PHF3: variants seen among roughly 807,000 people sequenced by gnomAD.
The protein encoded by PHF3 is PHD finger protein 3.
Under a neutral mutation model 178.4 loss-of-function variants are expected in PHF3, and 41 were observed. That is an observed-to-expected ratio of 0.23 (90% CI 0.18 to 0.30). The LOEUF (loss-of-function observed/expected upper bound fraction) is 0.30, where lower values mean the gene tolerates loss of function less well. Ranked by LOEUF, PHF3 falls within the 10% of genes least tolerant of loss-of-function variation. The pLI is 1.00. For missense variants in PHF3, 2,346 were observed against 2,398.1 expected (o/e 0.98, Z 0.45); for synonymous variants, 842 against 800.5 (o/e 1.05, Z -0.88).
rs1768288076 is a variant in PHF3, at chr6:63,719,405, A to C, written c.*5697A>C. ...TGAACATTACATGCTGCTTATTACT[A>C]AGATTTTTTTCTCCAGATGACCTAT... On this transcript the variant is annotated 3_prime_UTR_variant, in exon 16 of 16. Transcript: ENST00000262043. Among the ~76,000 whole-genome samples, 1 of 151,250 alleles carries C rather than the reference A, an allele frequency of 6.6e-6. No individual in the cohort carries two copies. The highest frequency in any genetic ancestry group is 1.9e-4 in the East Asian group (1 of 5,202).
intron 2 of PHF3, among the ~76,000 whole-genome samples, chr6:63,653,605 C>T (rs1213548406): frequency 6.6e-6 from 1 of 152,058 alleles, no homozygotes; most frequent in Non-Finnish European, 1.5e-5. Flanking sequence ...TGACTTCTTC[C>T]TTTCCAATTT....
intron 1 of PHF3, among the ~76,000 whole-genome samples, chr6:63,641,824 C>G (rs1324586892): frequency 6.6e-6 from 1 of 151,864 alleles, no homozygotes; most frequent in East Asian, 1.9e-4. Context: ...GACGGGGTTT[C>G]GTCATATTGG....
intron 4 of PHF3, among the ~76,000 whole-genome samples, chr6:63,686,832 A>G (rs1766728605): frequency 6.6e-6 from 1 of 152,222 alleles, no homozygotes; most frequent in Non-Finnish European, 1.5e-5. Context: ...ATCTTAGTAC[A>G]TAAAAATGAA....
chr6:63,724,050 G>T lies in PHF3; in HGVS notation c.*10342G>T, dbSNP rs1199288047. 2.0e-5 allele frequency among the ~76,000 whole-genome samples: 3 copies of T among 151,982 alleles called. No individual in the cohort carries two copies. The highest frequency in any genetic ancestry group is 2.1e-4 in the South Asian group (1 of 4,820). ...TTGACCTCCTGACTTCAGGTGATCC[G>T]CCCACCTCGGCCTCCCAAAGTGGTG... On this transcript the variant is annotated 3_prime_UTR_variant, in exon 16 of 16. Coordinates refer to ENST00000262043, the MANE Select transcript of PHF3 (RefSeq NM_001370348.2).
chr6:63,674,087 C>T (rs538372411), intron 2 of PHF3, among the ~76,000 whole-genome samples: 6 of 152,022 alleles, frequency 3.9e-5, no homozygotes, highest in African/African-American at 1.4e-4. Flanking sequence ...GACTTAATAA[C>T]TGACAAACTT....
At chr6:63,682,336 TG>T in intron 3 of PHF3, among the ~76,000 whole-genome samples, 1 of 152,138 alleles carries the variant, frequency 6.6e-6, no homozygotes, top group East Asian at 1.9e-4. Context: ...GAGGTGTTAA[TG>T]GTGTTAGTTT....
chr6:63,679,930 C>T (rs2149577678), intron 2 of PHF3, 70 bp from the exon 3 acceptor site: 3 of 1,241,162 alleles, frequency 2.4e-6, no homozygotes, highest in Non-Finnish European at 3.5e-6. Context: ...ACAGTATTTT[C>T]TGTACTGCCT....
chr6:63,703,412 A>G (rs1767560499), intron 10 of PHF3, 124 bp from the exon 11 acceptor site: 1 of 1,009,730 alleles, frequency 9.9e-7, no homozygotes, highest in East Asian at 3.0e-5. Flanking sequence ...AAAAACAAAA[A>G]TCAAAAACTT....
At position 63,708,872 on chromosome 6, in the gene PHF3, A is replaced by G. The variant is rs546975300; in HGVS notation, c.3712-279A>G. 3.3e-5 allele frequency among the ~76,000 whole-genome samples: 5 copies of G among 152,262 alleles called. No homozygotes were observed. The East Asian group carries it at 9.6e-4, about 29-fold the overall frequency. On this transcript the variant is annotated intron_variant, in intron 13 of 15. Transcript: ENST00000262043. Reference sequence around the variant, plus strand: ...GAATTGTTAATGTGGTATGCTTGCCATTGCTTCCCTTTCCCATCTTTCATA... The same window carrying G: ...GAATTGTTAATGTGGTATGCTTGCCGTTGCTTCCCTTTCCCATCTTTCATA...
chr6:63,712,043 G>C lies in PHF3; in HGVS notation c.4455G>C (p.Gln1485His), dbSNP rs80099131. The C allele has an allele frequency of 1.9e-4, 304 of 1,613,772 alleles. No homozygotes were observed. The East Asian group carries it at 2.1e-3, about 11-fold the overall frequency. ...CTGGTCAAGTATATGACCAGGCCCA[G>C]TCAGTGATGGAACAAAACACTGTTA... is the stretch of plus-strand genomic sequence containing the variant. The part of the protein sequence containing the change: ...GTTGQVYDQA[Q>H]SVMEQNTVKE... The change falls in exon 16 of 16, where the codon CAG (glutamine) becomes CAC (histidine). Residue 1485 changes from glutamine to histidine, a missense_variant. Physicochemically the swap from Gln to His is conservative, Grantham distance 24. Transcript: ENST00000262043.
At chr6:63,651,795 A>C (rs144270070) in intron 2 of PHF3, among the ~76,000 whole-genome samples, 376 of 152,222 alleles carry the variant, frequency 2.5e-3, no homozygotes, top group African/African-American at 8.4e-3. Context: ...TATGAGTGAG[A>C]GCATGCGGTA....
intron 4 of PHF3, among the ~76,000 whole-genome samples, chr6:63,688,577 C>T (rs544733591): frequency 1.8e-4 from 27 of 151,498 alleles, no homozygotes; most frequent in African/African-American, 5.6e-4. Flanking sequence ...TCAGGTGATC[C>T]GCCCGCCTCA....
In PHF3 at chr6:63,723,517, T is replaced by TA. The variant is rs1221640596; in HGVS notation, c.*9815dup. Among the ~76,000 whole-genome samples the TA allele has an allele frequency of 2.0e-5, 3 of 152,030 alleles. No individual in the cohort carries two copies. Among genetic ancestry groups the TA allele is most frequent in the African/African-American group, 4.8e-5 (2 of 41,398 alleles). On this transcript the variant is annotated 3_prime_UTR_variant, in exon 16 of 16. Transcript: ENST00000262043. The stretch of plus-strand genomic sequence containing the variant: ...TTTATAGTGAAGAGCTACATTAGAA[T>TA]AAAAAATATCTAAGAAATGATTAGG...
chr6:63,715,883 G>A lies in PHF3; in HGVS notation c.*2175G>A, dbSNP rs1768174334. 6.6e-6 allele frequency among the ~76,000 whole-genome samples: 1 copy of A among 152,118 alleles called. No individual in the cohort carries two copies. The highest frequency in any genetic ancestry group is 1.5e-5 in the Non-Finnish European group (1 of 68,008). ...CCATTCTCAGTCCCAGGTACAACCA[G>A]CCTTACACAAACTAGTGAATTACAT... On this transcript the variant is annotated 3_prime_UTR_variant, in exon 16 of 16. Coordinates refer to ENST00000262043, the MANE Select transcript of PHF3 (RefSeq NM_001370348.2).
Position 63,680,253 on chromosome 6 carries a change from T to G in PHF3, c.406+92T>G. The stretch of plus-strand genomic sequence containing the variant: ...CCTGCTGAGCAGAAATCATATTTTC[T>G]TGATGTTTTGCTAATCCATTCGTTT... On this transcript the variant is annotated intron_variant, in intron 3 of 15. Coordinates refer to ENST00000262043, the MANE Select transcript of PHF3 (RefSeq NM_001370348.2). 2.6e-6 allele frequency: 3 copies of G among 1,154,614 alleles called. No individual in the cohort carries two copies. In the South Asian group the frequency reaches 4.9e-5, roughly 19 times the overall value. The allele number at this position is 1,154,614 out of a possible 1,614,324, so 71.5% of individuals were successfully genotyped here.
rs141072656 is a variant in PHF3 at position 63,684,339 on chromosome 6, A to G, written c.617A>G (p.Gln206Arg). The G allele has an allele frequency of 2.5e-6, 4 of 1,613,896 alleles. No individual in the cohort carries two copies. Among genetic ancestry groups the G allele is most frequent in the Admixed American group, 3.3e-5 (2 of 59,996 alleles). ...AGAAGGTGCAGCCGAAATAGCGGAC[A>G]AATTGAAGTGGTACCTGAAGTATCA... ...ENRRCSRNSG[Q>R]IEVVPEVSVS... is the part of the protein sequence containing the mutation. Residue 206 changes from glutamine to arginine, a missense_variant, in exon 4 of 16, where the codon CAA becomes CGA. Physicochemically the swap from Gln to Arg is conservative, Grantham distance 43. Around this residue, in one of 8 missense-constraint regions of PHF3, gnomAD observed 843 missense variants for 795.2 expected, o/e 1.06. Coordinates refer to ENST00000262043, the MANE Select transcript of PHF3 (RefSeq NM_001370348.2).
intron 9 of PHF3, among the ~76,000 whole-genome samples, chr6:63,701,962 A>G (rs773214901): frequency 6.6e-6 from 1 of 152,074 alleles, no homozygotes; most frequent in African/African-American, 2.4e-5. Flanking sequence ...CTACCTTTAT[A>G]CTACTACTTG....
chr6:63,713,353 G>A lies in PHF3; in HGVS notation c.5765G>A (p.Arg1922Lys). The A allele has an allele frequency of 6.2e-7, 1 of 1,613,988 alleles. No homozygotes were observed. The highest frequency in any genetic ancestry group is 8.5e-7 in the Non-Finnish European group (1 of 1,179,966). Reference protein sequence around the residue: ...PFNRGKGDRQRFYSDSHHLKR... With the variant: ...PFNRGKGDRQKFYSDSHHLKR... ...AATAGGGGTAAAGGGGACCGCCAGA[G>A]ATTTTATAGTGATTCACACCATTTG... The change falls in exon 16 of 16, where the codon AGA becomes AAA. Residue 1922 changes from arginine (R) to lysine (K), a missense_variant. By Grantham distance (26) the Arg-to-Lys change is conservative (BLOSUM62 2). Coordinates refer to ENST00000262043, the MANE Select transcript of PHF3 (RefSeq NM_001370348.2).
At chr6:63,671,168 A>T (rs544960500) in intron 2 of PHF3, among the ~76,000 whole-genome samples, 1 of 152,106 alleles carries the variant, frequency 6.6e-6, no homozygotes, top group Admixed American at 6.6e-5. Context: ...ATAACATTCC[A>T]GGGATCAGCA....
Sources: allele counts gnomAD v4.1 joint callset (sites outside exome capture counted in the v4.1 genomes callset), GRCh38; gene constraint gnomAD v4.1.1; regional missense constraint gnomAD v4.1.1; transcripts MANE v1.5; gene names NCBI Gene and HGNC (gene_info 2026-07-23, HGNC 2026-07-21).